The following NIPA2 variants were observed in gnomAD, a reference collection of about 807,000 sequenced individuals.
The protein encoded by NIPA2 is NIPA magnesium transporter 2.
In NIPA2, 11 loss-of-function variants were observed where a neutral mutation model predicts 29.7. That is an observed-to-expected ratio of 0.37 (90% CI 0.23 to 0.61). The LOEUF (loss-of-function observed/expected upper bound fraction) is 0.61, where lower values mean the gene tolerates loss of function less well. Ranked by LOEUF, NIPA2 falls within the 20% of genes least tolerant of loss-of-function variation. The pLI is 0.66. For synonymous variants in NIPA2, 183 were observed against 161.9 expected (o/e 1.13, Z -0.99); for missense variants, 426 against 437.9 (o/e 0.97, Z 0.24).
In NIPA2 at chr15:22,851,684, G is replaced by A; in HGVS notation, c.-48G>A. On this transcript the variant is annotated 5_prime_UTR_variant, in exon 4 of 8. Coordinates refer to ENST00000337451, the MANE Select transcript of NIPA2 (RefSeq NM_030922.7). The stretch of plus-strand genomic sequence containing the variant: ...TGCCTCTAGTACCAGCGGTTTCTCT[G>A]TTCTGTGATCAATGTGATTCACAGG... The A allele has an allele frequency of 1.3e-6, 2 of 1,558,252 alleles. No individual in the cohort carries two copies. Among genetic ancestry groups the A allele is most frequent in the South Asian group, 1.2e-5 (1 of 83,300 alleles).
intron 2 of NIPA2, among the ~76,000 whole-genome samples, chr15:22,841,066 G>A (rs1027934050): frequency 1.3e-5 from 2 of 152,140 alleles, no homozygotes; most frequent in Non-Finnish European, 2.9e-5. Context: ...ATACAAAGTA[G>A]CAGATATTCA....
chr15:22,855,227 A>G (rs1394099896), intron 5 of NIPA2, among the ~76,000 whole-genome samples: 1 of 148,794 alleles, frequency 6.7e-6, no homozygotes, highest in Non-Finnish European at 1.5e-5. Context: ...CCTGACCAAC[A>G]TGGAGAAACC....
At chr15:22,861,121 C>T (rs1197670006) in intron 7 of NIPA2, among the ~76,000 whole-genome samples, 1 of 152,122 alleles carries the variant, frequency 6.6e-6, no homozygotes, top group Non-Finnish European at 1.5e-5. Context: ...TCATCTTAGT[C>T]TTTATTATGG....
intron 7 of NIPA2, among the ~76,000 whole-genome samples, chr15:22,862,898 C>CTTT (rs59317671): frequency 0.037 from 4,123 of 110,176 alleles, 222 homozygotes; most frequent in African/African-American, 0.1. Context: ...TGCCTTTATT[C>CTTT]TTTTTTTTTT....
intron 5 of NIPA2, among the ~76,000 whole-genome samples, chr15:22,857,866 A>G (rs1291440105): frequency 6.6e-6 from 1 of 150,946 alleles, no homozygotes; most frequent in Non-Finnish European, 1.5e-5. Context: ...AAAGGACCAA[A>G]TGAAAAGGAC....
intron 6 of NIPA2, among the ~76,000 whole-genome samples, chr15:22,859,976 A>G (rs1001736246): frequency 3.3e-5 from 5 of 152,098 alleles, no homozygotes; most frequent in African/African-American, 4.8e-5. Context: ...GCATCAACCA[A>G]TAGGAATAAG....
Position 22,860,804 on chromosome 15 carries a change from T to A in NIPA2, c.448+15T>A, listed in dbSNP as rs2058566262. On this transcript the variant is annotated intron_variant, in intron 7 of 7. Coordinates refer to ENST00000337451, the MANE Select transcript of NIPA2 (RefSeq NM_030922.7). ...AGGTGATCCAGGTAAGAAAAAAGTC[T>A]TATTAGTCTTACTGTATTTTACTTT... 3.8e-6 allele frequency: 6 copies of A among 1,564,944 alleles called. No individual in the cohort carries two copies. In the East Asian group the frequency reaches 1.4e-4, roughly 36 times the overall value.
In NIPA2 at chr15:22,867,183, G is replaced by T; in HGVS notation, c.*336G>T. 1 of 436,110 alleles carries T rather than the reference G, an allele frequency of 2.3e-6. No homozygotes were observed. The highest frequency in any genetic ancestry group is 4.0e-6 in the Non-Finnish European group (1 of 249,428). 27.0% of individuals were successfully genotyped at this position (436,110 alleles called of 1,614,324 possible). A position where few individuals can be genotyped will look rare whatever the true frequency, so the allele number is the denominator to read the frequency against. On this transcript the variant is annotated 3_prime_UTR_variant, in exon 8 of 8. Coordinates refer to ENST00000337451, the MANE Select transcript of NIPA2 (RefSeq NM_030922.7). ...TTCATTGGTGATGAAAGTCTGAAAT[G>T]TGCATTTGTCATCCCCACTCCATCA...
intron 4 of NIPA2, among the ~76,000 whole-genome samples, chr15:22,852,352 G>T (rs551405446): frequency 6.1e-4 from 92 of 151,958 alleles, no homozygotes; most frequent in Admixed American, 5.1e-3. Context: ...TATAGTCCCA[G>T]CTACTCAGGA....
At chr15:22,853,133 A>C in intron 4 of NIPA2, 79 bp from the exon 5 acceptor site, 1 of 949,672 alleles carries the variant, frequency 1.1e-6, no homozygotes, top group South Asian at 1.4e-5. Flanking sequence ...ATATTTAAAA[A>C]TCTGTCATTA....
At chr15:22,858,479 C>A in intron 5 of NIPA2, 61 bp from the exon 6 acceptor site, 1 of 980,002 alleles carries the variant, frequency 1.0e-6, no homozygotes, top group South Asian at 1.5e-5. Context: ...AAAATGCCGG[C>A]ATTTCCAAGT....
chr15:22,868,078 C>CGCCAA lies in NIPA2; in HGVS notation c.*1236_*1240dup, dbSNP rs1415241666. 3 of 152,232 alleles carry CGCCAA rather than the reference C, an allele frequency of 2.0e-5. No individual in the cohort carries two copies. The highest frequency in any genetic ancestry group is 4.4e-5 in the Non-Finnish European group (3 of 68,062). 9.4% of individuals were successfully genotyped at this position (152,232 alleles called of 1,614,324 possible). ...TGGAGGTTACCCAGTGGTGCGCCAG[C>CGCCAA]GCCAAGCCATCACTCCCCGAGGGCC... On this transcript the variant is annotated 3_prime_UTR_variant, in exon 8 of 8. Transcript: ENST00000337451.
chr15:22,847,125 C>T lies in NIPA2; in HGVS notation c.-94+1858C>T, dbSNP rs558249917. Among the ~76,000 whole-genome samples, 47 of 151,938 alleles carry T rather than the reference C, an allele frequency of 3.1e-4. 2 individuals are homozygous for T. The South Asian group carries it at 9.0e-3, about 29-fold the overall frequency. ...TTCTCCATGTTGGTCAGGCTGGTCT[C>T]GAACTCCCGACCTCAGGTGATCTGC... is the stretch of plus-strand genomic sequence containing the variant. On this transcript the variant is annotated intron_variant, in intron 3 of 7. Transcript: ENST00000337451.
In NIPA2 at chr15:22,858,576, C is replaced by T. The variant is rs140858794; in HGVS notation, c.233C>T (p.Ala78Val). 362 of 1,605,862 alleles carry T rather than the reference C, an allele frequency of 2.3e-4. 2 individuals are homozygous for T. The highest frequency in any genetic ancestry group is 2.4e-4 in the Non-Finnish European group (285 of 1,175,294). ...AGEVANFAAY[A>V]FAPATLVTPL... ...GAGGTGGCCAACTTCGCTGCGTATG[C>T]GTTTGCACCAGCCACTCTAGTGACT... The change falls in exon 6 of 8, where the codon GCG becomes GTG. Residue 78 changes from alanine to valine, a missense_variant. This residue lies in a region of NIPA2 where 12 missense variants were observed against 31.5 expected (regional missense o/e 0.38). Coordinates refer to ENST00000337451, the MANE Select transcript of NIPA2 (RefSeq NM_030922.7).
intron 5 of NIPA2, among the ~76,000 whole-genome samples, chr15:22,854,086 A>G (rs534929513): frequency 6.6e-4 from 101 of 151,928 alleles, no homozygotes; most frequent in Middle Eastern, 3.2e-3. Flanking sequence ...TGGCCTCCCA[A>G]AGTGCTGGGA....
chr15:22,859,337 C>T (rs1349595599), intron 6 of NIPA2, among the ~76,000 whole-genome samples: 2 of 139,988 alleles, frequency 1.4e-5, no homozygotes, highest in Admixed American at 7.7e-5. Flanking sequence ...CTGTCGCCCA[C>T]GCTGGAGTGC....
chr15:22,859,105 A>G (rs12904827), intron 6 of NIPA2, among the ~76,000 whole-genome samples: 1 of 151,846 alleles, frequency 6.6e-6, no homozygotes, highest in Non-Finnish European at 1.5e-5. Context: ...ACGCAGGAAG[A>G]GGAGGTTGCA....
intron 6 of NIPA2, among the ~76,000 whole-genome samples, chr15:22,859,290 CTTTTTTTTTTT>C (rs60644942): frequency 2.1e-5 from 2 of 97,342 alleles, no homozygotes; most frequent in African/African-American, 8.0e-5. Flanking sequence ...ATTTCTTTTT[CTTTTTTTTTTT>C]TTTTTTTTTG....
rs755073005 is a variant in NIPA2 at position 22,866,635 on chromosome 15, G to T, written c.871G>T (p.Val291Leu). ...GTLSGFFTII[V>L]GIFLLHAFKD... ...TTTGAGTGGCTTCTTTACAATCATT[G>T]TGGGGATATTCTTGTTGCATGCCTT... The change falls in exon 8 of 8, where the codon GTG becomes TTG. Residue 291 changes from valine (V) to leucine (L), a missense_variant. Around this residue, in one of 3 missense-constraint regions of NIPA2, gnomAD observed 357 missense variants for 339.8 expected, o/e 1.05. Coordinates refer to ENST00000337451, the MANE Select transcript of NIPA2 (RefSeq NM_030922.7). The T allele has an allele frequency of 1.2e-6, 2 of 1,614,114 alleles. No individual in the cohort carries two copies. The highest frequency in any genetic ancestry group is 1.1e-5 in the South Asian group (1 of 91,084).
Sources: gnomAD v4.1 joint callset for allele counts (sites outside exome capture counted in the v4.1 genomes callset) on GRCh38, gnomAD v4.1.1 for gene constraint, gnomAD v4.1.1 regional missense constraint, MANE v1.5 for transcripts, NCBI Gene and HGNC (gene_info 2026-07-23, HGNC 2026-07-21) for gene names.